AQR: variants seen among roughly 807,000 people sequenced by gnomAD.
The protein encoded by AQR is RNA helicase aquarius.
AQR carries 61 observed loss-of-function variants against 180.5 expected under a neutral mutation model. The ratio of observed to expected loss-of-function variants is 0.34; its 90% CI spans 0.28 to 0.42. The LOEUF (loss-of-function observed/expected upper bound fraction) is 0.42, where lower values mean the gene tolerates loss of function less well. Ranked by LOEUF, AQR falls within the 10% of genes least tolerant of loss-of-function variation. The pLI, the probability that AQR is intolerant of heterozygous loss-of-function variation, is 1.00. For missense variants in AQR, 1,281 were observed against 1,798.3 expected, an observed-to-expected ratio of 0.71 and a Z score of 5.20; for synonymous variants, 551 against 588.8, an observed-to-expected ratio of 0.94 and a Z score of 0.93.
intron 24 of AQR, among the ~76,000 whole-genome samples, chr15:34,888,227 G>C (rs748316647): frequency 7.3e-5 from 11 of 151,400 alleles, no homozygotes; most frequent in South Asian, 6.3e-4. Flanking sequence ...GAACCCAGGA[G>C]ACAGAGTTTA....
intron 30 of AQR, among the ~76,000 whole-genome samples, chr15:34,872,982 T>C (rs1351908225): frequency 6.6e-6 from 1 of 152,126 alleles, no homozygotes; most frequent in African/African-American, 2.4e-5. Context: ...CAGCTCCTTT[T>C]TAAAATGAGA....
At chr15:34,864,833 T>C (rs941961071) in intron 32 of AQR, among the ~76,000 whole-genome samples, 3 of 152,230 alleles carry the variant, frequency 2.0e-5, no homozygotes, top group African/African-American at 2.4e-5. Flanking sequence ...ATGAGGAGAT[T>C]TGAACTACAA....
At chr15:34,881,678 T>C (rs1892975410) in intron 27 of AQR, among the ~76,000 whole-genome samples, 1 of 152,206 alleles carries the variant, frequency 6.6e-6, no homozygotes, top group Non-Finnish European at 1.5e-5. Flanking sequence ...AGTCTAAGAG[T>C]ATTCCATATC....
chr15:34,935,109 G>C (rs949510403), intron 9 of AQR, among the ~76,000 whole-genome samples: 5 of 152,008 alleles, frequency 3.3e-5, no homozygotes, highest in African/African-American at 1.2e-4. Context: ...CTGAAAATTA[G>C]AGAGGTAATT....
chr15:34,943,051 C>T (rs749064023), intron 6 of AQR: 2 of 1,602,944 alleles, frequency 1.2e-6, no homozygotes, highest in East Asian at 2.2e-5. Flanking sequence ...GTTAAAGAGG[C>T]TTTCTGTGCC....
intron 9 of AQR, among the ~76,000 whole-genome samples, chr15:34,938,069 G>A (rs1893970721): frequency 6.6e-6 from 1 of 151,728 alleles, no homozygotes; most frequent in Non-Finnish European, 1.5e-5. Context: ...GTATCAATAG[G>A]ACTTAAAAAC....
At chr15:34,968,450 G>T (rs1050257259) in intron 1 of AQR, among the ~76,000 whole-genome samples, 2 of 151,732 alleles carry the variant, frequency 1.3e-5, no homozygotes, top group African/African-American at 2.4e-5. Flanking sequence ...AGTAGAGACG[G>T]GGTTTCACCG....
At chr15:34,888,780 A>C (rs182433160) in intron 24 of AQR, among the ~76,000 whole-genome samples, 174 of 152,356 alleles carry the variant, frequency 1.1e-3, no homozygotes, top group Admixed American at 1.8e-3. Context: ...AGGATAGTGT[A>C]ATTATGGATA....
intron 5 of AQR, among the ~76,000 whole-genome samples, chr15:34,946,417 T>G (rs1444448122): frequency 1.0e-4 from 14 of 136,224 alleles, no homozygotes; most frequent in Admixed American, 7.2e-5. Flanking sequence ...AGCCGCCCCG[T>G]CCGGGAGGGA....
Position 34,896,951 on chromosome 15 carries a change from G to C in AQR, c.2406C>G (p.Phe802Leu). 1 of 1,612,628 alleles carries C rather than the reference G, an allele frequency of 6.2e-7. No homozygotes were observed. Among genetic ancestry groups the C allele is most frequent in the Non-Finnish European group, 8.5e-7 (1 of 1,178,670 alleles). The change falls in exon 22 of 35, where the codon TTC (phenylalanine) becomes TTG (leucine). Residue 802 changes from phenylalanine (F) to leucine (L), a missense_variant. By Grantham distance (22) the Phe-to-Leu change is conservative. Coordinates refer to ENST00000156471, the MANE Select transcript of AQR (RefSeq NM_014691.3). ...YNQPKRNTIQFTHTQIEAIRA... is the reference protein window; with the variant it reads ...YNQPKRNTIQLTHTQIEAIRA... ...GGATGGCTTCTATCTGTGTATGAGT[G>C]AACTGAATCGTATTACTGCAAATAA...
Position 34,856,656 on chromosome 15 carries a change from G to C in AQR, c.*136C>G. The C allele has an allele frequency of 2.9e-6, 2 of 678,100 alleles. No individual in the cohort carries two copies. The highest frequency in any genetic ancestry group is 4.5e-6 in the Non-Finnish European group (2 of 448,978). 42.0% of individuals were successfully genotyped at this position (678,100 alleles called of 1,614,324 possible). ...TTTAAAAAAATATATTCAAGACACCGAAATCAGTTAACAAATATAAGAACT... is the reference window on the plus strand; with the variant it reads ...TTTAAAAAAATATATTCAAGACACCCAAATCAGTTAACAAATATAAGAACT... On this transcript the variant is annotated 3_prime_UTR_variant, in exon 35 of 35. Transcript: ENST00000156471.
At chr15:34,910,445 T>C (rs1439350385) in intron 16 of AQR, 132 bp from the exon 17 acceptor site, 5 of 982,016 alleles carry the variant, frequency 5.1e-6, no homozygotes, top group Non-Finnish European at 7.3e-6. Context: ...CTCTTATTTC[T>C]TAACTTAAAA....
chr15:34,896,538 T>C (rs978106892), intron 22 of AQR, among the ~76,000 whole-genome samples: 2 of 141,612 alleles, frequency 1.4e-5, no homozygotes, highest in Non-Finnish European at 3.0e-5. Flanking sequence ...AGTCTTAATC[T>C]ATGTTAAAAA....
intron 15 of AQR, among the ~76,000 whole-genome samples, chr15:34,917,012 C>G (rs1277960584): frequency 6.6e-6 from 1 of 152,082 alleles, no homozygotes; most frequent in Non-Finnish European, 1.5e-5. Context: ...CCTATGTGCC[C>G]TTTCCTGGTT....
At chr15:34,872,456 A>G (rs1483327880) in intron 30 of AQR, among the ~76,000 whole-genome samples, 1 of 152,156 alleles carries the variant, frequency 6.6e-6, no homozygotes, top group Non-Finnish European at 1.5e-5. Context: ...AATCTGGATA[A>G]AAATGTTTCA....
At chr15:34,892,308 T>C (rs945652331) in intron 23 of AQR, among the ~76,000 whole-genome samples, 11 of 152,324 alleles carry the variant, frequency 7.2e-5, no homozygotes, top group African/African-American at 2.6e-4. Context: ...ATTTGAAATT[T>C]AATCCAGTAT....
chr15:34,914,008 T>C (rs927955027), intron 16 of AQR, among the ~76,000 whole-genome samples: 3 of 152,172 alleles, frequency 2.0e-5, no homozygotes, highest in Non-Finnish European at 4.4e-5. Flanking sequence ...AGTGAAAAAA[T>C]AGATCATAAT....
intron 30 of AQR, 137 bp from the exon 31 acceptor site, chr15:34,871,059 T>A: frequency 1.4e-6 from 1 of 711,814 alleles, no homozygotes; most frequent in East Asian, 2.7e-5. Flanking sequence ...CTTGGATAAG[T>A]GAGTACCTTT....
chr15:34,869,534 C>T (rs1454625389), intron 31 of AQR: 1 of 152,112 alleles, frequency 6.6e-6, no homozygotes, highest in African/African-American at 2.4e-5. Context: ...TGTAACCCAA[C>T]CTTGGAACCA....
Sources: allele counts gnomAD v4.1 joint callset (sites outside exome capture counted in the v4.1 genomes callset), GRCh38; gene constraint gnomAD v4.1.1; transcripts MANE v1.5; gene names NCBI Gene and HGNC (gene_info 2026-07-23, HGNC 2026-07-21).